EFCAB6: variants seen among roughly 807,000 people sequenced by gnomAD.
The protein encoded by EFCAB6 is EF-hand calcium binding domain 6, also known as EF-hand calcium-binding domain-containing protein 6.
A neutral mutation model predicts 169.8 loss-of-function variants in EFCAB6; 156 were observed. That is an observed-to-expected ratio of 0.92 (90% CI 0.81 to 1.05). The LOEUF is 1.05. Ranked by LOEUF, EFCAB6 falls within the 50% of genes least tolerant of loss-of-function variation. EFCAB6 has a pLI of 0.00. For missense variants in EFCAB6, 1,800 were observed against 1,829.1 expected, an observed-to-expected ratio of 0.98 and a Z score of 0.29; for synonymous variants, 698 against 676.4, an observed-to-expected ratio of 1.03 and a Z score of -0.50.
At chr22:43,727,378 T>C (rs753897140) in intron 8 of EFCAB6, among the ~76,000 whole-genome samples, 4 of 152,190 alleles carry the variant, frequency 2.6e-5, no homozygotes, top group Admixed American at 1.3e-4. Flanking sequence ...CAGTGAGCTA[T>C]GATTGCACCA....
chr22:43,600,080 A>G lies in EFCAB6; in HGVS notation c.2865T>C (p.Ala955=). Residue 955 remains alanine, a synonymous_variant, in exon 23 of 32, where the codon GCT becomes GCC. Coordinates refer to ENST00000262726, the MANE Select transcript of EFCAB6 (RefSeq NM_022785.4). ...MKELQQSTEK[A]VAARDKLMDR... ...CCTTCCTCACTCACCTGGCTGCCACAGCCTTCTCTGTGCTCTGCTGCAGCT... is the reference window on the plus strand; with the variant it reads ...CCTTCCTCACTCACCTGGCTGCCACGGCCTTCTCTGTGCTCTGCTGCAGCT... The G allele has an allele frequency of 6.2e-7, 1 of 1,613,538 alleles. No individual in the cohort carries two copies. Among genetic ancestry groups the G allele is most frequent in the South Asian group, 1.1e-5 (1 of 90,940 alleles).
At chr22:43,714,915 T>C (rs1160705222) in intron 9 of EFCAB6, among the ~76,000 whole-genome samples, 1 of 152,126 alleles carries the variant, frequency 6.6e-6, no homozygotes, top group Non-Finnish European at 1.5e-5. Flanking sequence ...CATGCAAATA[T>C]AAAACAAAGT....
chr22:43,564,946 T>C (rs2049328585), intron 26 of EFCAB6, among the ~76,000 whole-genome samples: 1 of 152,200 alleles, frequency 6.6e-6, no homozygotes, highest in Admixed American at 6.5e-5. Context: ...GCGTTTGCTT[T>C]CTTGGGGTCT....
At chr22:43,610,547 T>C (rs2053229992) in intron 21 of EFCAB6, among the ~76,000 whole-genome samples, 1 of 152,174 alleles carries the variant, frequency 6.6e-6, no homozygotes, top group Non-Finnish European at 1.5e-5. Flanking sequence ...GGTTGAGCAG[T>C]TTTGACAGAA....
intron 22 of EFCAB6, among the ~76,000 whole-genome samples, chr22:43,605,721 G>A (rs1389803892): frequency 2.0e-5 from 3 of 152,100 alleles, no homozygotes; most frequent in Non-Finnish European, 2.9e-5. Context: ...CATGATGAAC[G>A]TATTGAATAC....
intron 6 of EFCAB6, among the ~76,000 whole-genome samples, chr22:43,741,170 G>A (rs1239697355): frequency 1.3e-5 from 2 of 152,248 alleles, no homozygotes; most frequent in African/African-American, 2.4e-5. Flanking sequence ...TAAGGCTCCC[G>A]ACAATAGTGA....
chr22:43,593,821 G>A (rs1245943675), intron 23 of EFCAB6, among the ~76,000 whole-genome samples: 1 of 152,204 alleles, frequency 6.6e-6, no homozygotes, highest in Non-Finnish European at 1.5e-5. Flanking sequence ...GTAAGAGCAA[G>A]ATGGAGCTAA....
At position 43,795,067 on chromosome 22, in the gene EFCAB6, C is replaced by T. The variant is rs1161633796; in HGVS notation, c.-7-12742G>A. ...GCCCCTTGCCCTGCCCGAACCTCAT[C>T]GTCACAGACAGTCTACCCTCACACA... On this transcript the variant is annotated intron_variant, in intron 2 of 31. Coordinates refer to ENST00000262726, the MANE Select transcript of EFCAB6 (RefSeq NM_022785.4). The surrounding 1 kb of genome is among the most constrained non-coding windows in gnomAD (Gnocchi z 4.2). Among the ~76,000 whole-genome samples, 2 of 152,126 alleles carry T rather than the reference C, an allele frequency of 1.3e-5. No homozygotes were observed. The highest frequency in any genetic ancestry group is 2.9e-5 in the Non-Finnish European group (2 of 68,024).
rs535553495 is a variant in EFCAB6 at position 43,561,977 on chromosome 22, G to A, written c.3421-6881C>T. ...GCGGGGGCTCGGCTGGGCCCGGTCC[G>A]TGCTGGGCCCGAACACCTCACACTC... is the stretch of plus-strand genomic sequence containing the variant. On this transcript the variant is annotated intron_variant, in intron 26 of 31. Transcript: ENST00000262726. Among the ~76,000 whole-genome samples the A allele has an allele frequency of 6.0e-4, 91 of 152,286 alleles. No homozygotes were observed. The South Asian group carries it at 8.1e-3, about 14-fold the overall frequency.
intron 27 of EFCAB6, among the ~76,000 whole-genome samples, chr22:43,549,560 C>T (rs998987596): frequency 3.9e-5 from 6 of 152,152 alleles, no homozygotes; most frequent in African/African-American, 1.4e-4. Context: ...TCCTATAAAG[C>T]AAATGCTGGG....
chr22:43,541,589 C>G (rs76877744), intron 27 of EFCAB6, among the ~76,000 whole-genome samples: 3,157 of 149,870 alleles, frequency 0.021, 112 homozygotes, highest in African/African-American at 0.074. Flanking sequence ...TTCTGACCAA[C>G]GAGGAAAAAC....
Position 43,626,572 on chromosome 22 carries a change from G to A in EFCAB6, c.2340C>T (p.Asp780=), listed in dbSNP as rs138905783. 35 of 1,614,042 alleles carry A rather than the reference G, an allele frequency of 2.2e-5. No homozygotes were observed. Among genetic ancestry groups the A allele is most frequent in the Non-Finnish European group, 2.8e-5 (33 of 1,180,048 alleles). ...LLHLLLNLKD[D]EFERFLGLLG... The stretch of plus-strand genomic sequence containing the variant: ...GAAGGCCAAGGAAGCGCTCAAACTC[G>A]TCGTCTTTGAGATTAAGCAGTAGAT... Residue 780 remains aspartate (D), a synonymous_variant, in exon 20 of 32, where the codon GAC becomes GAT. Coordinates refer to ENST00000262726, the MANE Select transcript of EFCAB6 (RefSeq NM_022785.4).
At chr22:43,672,515 A>T (rs1184512024) in intron 13 of EFCAB6, among the ~76,000 whole-genome samples, 4 of 152,208 alleles carry the variant, frequency 2.6e-5, no homozygotes, top group African/African-American at 2.4e-5. Flanking sequence ...ACATAAAAAG[A>T]ATGAGATCAT....
intron 10 of EFCAB6, among the ~76,000 whole-genome samples, chr22:43,710,330 C>T (rs577334867): frequency 2.0e-5 from 3 of 152,230 alleles, no homozygotes; most frequent in Admixed American, 1.3e-4. Flanking sequence ...TTGGAGCCAA[C>T]GTGAAAATGC....
chr22:43,590,410 T>G (rs75148567), intron 23 of EFCAB6, among the ~76,000 whole-genome samples, 181 bp from the exon 24 acceptor site: 1 of 141,800 alleles, frequency 7.1e-6, no homozygotes, highest in Non-Finnish European at 1.5e-5. Flanking sequence ...AAATATTATG[T>G]CTGTATCATT....
intron 6 of EFCAB6, 52 bp downstream of exon 6, chr22:43,755,714 T>C: frequency 6.7e-7 from 1 of 1,497,150 alleles, no homozygotes. Flanking sequence ...TAACAATTAC[T>C]GCTGACAATG....
intron 2 of EFCAB6, among the ~76,000 whole-genome samples, chr22:43,782,561 C>T (rs1265797331): frequency 2.0e-5 from 3 of 152,174 alleles, no homozygotes; most frequent in Non-Finnish European, 4.4e-5. Flanking sequence ...AATAAAGAGA[C>T]TTTTGGACAG....
chr22:43,529,692 T>C (rs2046943732), intron 31 of EFCAB6, among the ~76,000 whole-genome samples: 1 of 152,116 alleles, frequency 6.6e-6, no homozygotes, highest in Non-Finnish European at 1.5e-5. Context: ...GCAGCCACCT[T>C]GGATCATGAG....
In EFCAB6 at chr22:43,625,836, C is replaced by G. The variant is rs534817279; in HGVS notation, c.2465+611G>C. Among the ~76,000 whole-genome samples, 6 of 152,300 alleles carry G rather than the reference C, an allele frequency of 3.9e-5. 2 individuals carry two copies. Among genetic ancestry groups the G allele is most frequent in the Admixed American group, 3.9e-4 (6 of 15,302 alleles). ...AGAGGAGGTAGGAGGCATCAGTTCCCGAAGAAGAAGGTTACTGTGTTCACT... is the reference window on the plus strand; with the variant it reads ...AGAGGAGGTAGGAGGCATCAGTTCCGGAAGAAGAAGGTTACTGTGTTCACT... On this transcript the variant is annotated intron_variant, in intron 20 of 31. Coordinates refer to ENST00000262726, the MANE Select transcript of EFCAB6 (RefSeq NM_022785.4).
Sources: allele counts gnomAD v4.1 joint callset (sites outside exome capture counted in the v4.1 genomes callset), GRCh38; gene constraint gnomAD v4.1.1; non-coding constraint Gnocchi (gnomAD v3.1); transcripts MANE v1.5; gene names NCBI Gene and HGNC (gene_info 2026-07-23, HGNC 2026-07-21).